Variants in PTPRM observed in about 807,000 individuals in gnomAD.
PTPRM encodes protein tyrosine phosphatase receptor type M.
A neutral mutation model predicts 186.7 loss-of-function variants in PTPRM; 47 were observed. That is an observed-to-expected ratio of 0.25 (90% confidence interval 0.20 to 0.32). The LOEUF (loss-of-function observed/expected upper bound fraction) is 0.32, where lower values mean the gene tolerates loss of function less well. Ranked by LOEUF, PTPRM falls within the 10% of genes least tolerant of loss-of-function variation. PTPRM has a pLI of 1.00. For synonymous variants in PTPRM, 668 were observed against 674.9 expected (o/e 0.99, Z 0.16); for missense variants, 1,494 against 1,865.0 (o/e 0.80, Z 3.66).
At chr18:8,078,412 T>C (rs1244908180) in intron 9 of PTPRM, among the ~76,000 whole-genome samples, 1 of 152,170 alleles carries the variant, frequency 6.6e-6, no homozygotes, top group Non-Finnish European at 1.5e-5. Context: ...ATCAAACACT[T>C]GCCCCAAAAG....
At chr18:8,098,442 A>T (rs1379396256) in intron 11 of PTPRM, among the ~76,000 whole-genome samples, 1 of 152,192 alleles carries the variant, frequency 6.6e-6, no homozygotes, top group Non-Finnish European at 1.5e-5. Context: ...TGAAACATTT[A>T]TTACAGATAA....
At chr18:8,394,747 T>C in intron 32 of PTPRM, 136 bp downstream of exon 32, 2 of 961,256 alleles carry the variant, frequency 2.1e-6, no homozygotes, top group Non-Finnish European at 2.9e-6. Flanking sequence ...TCACTTTGCT[T>C]GTAGGGCTTT....
chr18:8,383,733 A>T (rs1183390872), intron 29 of PTPRM, among the ~76,000 whole-genome samples: 4 of 152,258 alleles, frequency 2.6e-5, no homozygotes, highest in African/African-American at 9.6e-5. Context: ...TTGGACTGGA[A>T]CATAAAAATG....
chr18:8,122,732 G>T (rs983027812), intron 13 of PTPRM, among the ~76,000 whole-genome samples: 2 of 152,156 alleles, frequency 1.3e-5, no homozygotes, highest in Non-Finnish European at 2.9e-5. Context: ...TACCTTGCCT[G>T]GTCTAGTTTG....
chr18:7,935,057 T>C (rs938398141), intron 5 of PTPRM, among the ~76,000 whole-genome samples: 1 of 152,220 alleles, frequency 6.6e-6, no homozygotes, highest in African/African-American at 2.4e-5. Context: ...ATCACAACTG[T>C]ATTTCAGAAC....
At chr18:8,155,807 TGTAA>T (rs1450152850) in intron 14 of PTPRM, among the ~76,000 whole-genome samples, 2 of 152,228 alleles carry the variant, frequency 1.3e-5, no homozygotes, top group African/African-American at 4.8e-5. Flanking sequence ...TTCTTTCCAC[TGTAA>T]GTAAGTGTGA....
chr18:7,569,473 A>G (rs1349321562), intron 1 of PTPRM, among the ~76,000 whole-genome samples: 1 of 152,228 alleles, frequency 6.6e-6, no homozygotes, highest in Non-Finnish European at 1.5e-5. Context: ...CTGTGTTCTT[A>G]TTAGTGAATA....
intron 22 of PTPRM, among the ~76,000 whole-genome samples, chr18:8,341,248 G>A (rs1256217507): frequency 6.6e-6 from 1 of 152,190 alleles, no homozygotes; most frequent in African/African-American, 2.4e-5. Context: ...ATTTGACTTA[G>A]TACCTAGTAT....
intron 19 of PTPRM, among the ~76,000 whole-genome samples, chr18:8,267,117 T>C (rs1009744249): frequency 6.6e-6 from 1 of 152,166 alleles, no homozygotes; most frequent in Non-Finnish European, 1.5e-5. Flanking sequence ...TTATATGTAT[T>C]GTATTTATGT....
In PTPRM at chr18:8,263,696, G is replaced by GT. The variant is rs151112900; in HGVS notation, c.2754+10283dup. On this transcript the variant is annotated intron_variant, in intron 19 of 32. Transcript: ENST00000580170. ...ACACACCAACCTCCAGCGAAGAGGG[G>GT]TAGAGGCAGCTAGAGATCACACTCT... Among the ~76,000 whole-genome samples the GT allele has an allele frequency of 5.2e-3, 793 of 152,242 alleles. 6 individuals are homozygous for GT. Among genetic ancestry groups the GT allele is most frequent in the African/African-American group, 0.018 (758 of 41,544 alleles).
intron 23 of PTPRM, among the ~76,000 whole-genome samples, chr18:8,364,521 A>G (rs115361487): frequency 2.2e-3 from 342 of 152,344 alleles, no homozygotes; most frequent in African/African-American, 7.4e-3. Context: ...TGGGGATACA[A>G]TAAATCTGTT....
intron 1 of PTPRM, among the ~76,000 whole-genome samples, chr18:7,677,140 A>ATGCAAC (rs1386057435): frequency 1.3e-5 from 2 of 152,162 alleles, no homozygotes; most frequent in African/African-American, 4.8e-5. Flanking sequence ...TTCAAAGCTG[A>ATGCAAC]TGCAACAGTG....
At position 8,103,122 on chromosome 18, in the gene PTPRM, T is replaced by G. The variant is rs191813085; in HGVS notation, c.1857-10364T>G. ...TGTGGTATCATCCAGGCTTTGTTGT[T>G]CCATTTGTAGAGCACAGGCAGAGTA... On this transcript the variant is annotated intron_variant, in intron 11 of 32. Transcript: ENST00000580170. 2.5e-3 allele frequency among the ~76,000 whole-genome samples: 387 copies of G among 152,302 alleles called. 1 individual carries two copies. Among genetic ancestry groups the G allele is most frequent in the African/African-American group, 8.9e-3 (370 of 41,574 alleles).
chr18:8,311,127 G>A (rs1335328310), intron 20 of PTPRM, among the ~76,000 whole-genome samples: 1 of 152,090 alleles, frequency 6.6e-6, no homozygotes, highest in Non-Finnish European at 1.5e-5. Flanking sequence ...TGGTCAACAT[G>A]GTGAAATCCC....
At chr18:7,939,851 C>A (rs1468112927) in intron 5 of PTPRM, among the ~76,000 whole-genome samples, 1 of 152,152 alleles carries the variant, frequency 6.6e-6, no homozygotes, top group Non-Finnish European at 1.5e-5. Flanking sequence ...ATGTAGAGTG[C>A]CAGTGCTTGA....
At chr18:8,345,698 A>C (rs1329871173) in intron 23 of PTPRM, among the ~76,000 whole-genome samples, 1 of 151,402 alleles carries the variant, frequency 6.6e-6, no homozygotes, top group Non-Finnish European at 1.5e-5. Flanking sequence ...ACATTTTATA[A>C]AAATTATTCT....
In PTPRM at chr18:7,967,217, G is replaced by T. The variant is rs539676810; in HGVS notation, c.1132+11803G>T. On this transcript the variant is annotated intron_variant, in intron 7 of 32. Coordinates refer to ENST00000580170, the MANE Select transcript of PTPRM (RefSeq NM_001105244.2). ...GCACACTGACACCTCACACGGCAGG[G>T]TATTCCAACAGACCTGCAGCTGAGG... Among the ~76,000 whole-genome samples, 9 of 28,414 alleles carry T rather than the reference G, an allele frequency of 3.2e-4. No individual in the cohort carries two copies. In the East Asian group the frequency reaches 4.8e-3, roughly 15 times the overall value. 18.6% of individuals were successfully genotyped at this position (28,414 alleles called of 152,430 possible). A position where few individuals can be genotyped will look rare whatever the true frequency, so the allele number is the denominator to read the frequency against.
At chr18:7,972,493 AAG>A (rs2054613403) in intron 7 of PTPRM, among the ~76,000 whole-genome samples, 1 of 141,022 alleles carries the variant, frequency 7.1e-6, no homozygotes, top group Admixed American at 7.0e-5. Context: ...AAAAAAAAAA[AAG>A]GAGAGAAACA....
chr18:7,674,732 G>A (rs561724144), intron 1 of PTPRM, among the ~76,000 whole-genome samples: 3 of 152,136 alleles, frequency 2.0e-5, no homozygotes, highest in Non-Finnish European at 4.4e-5. Flanking sequence ...TTCTTATTTT[G>A]CCCATAACAT....
Sources: allele counts gnomAD v4.1 joint callset (sites outside exome capture counted in the v4.1 genomes callset), GRCh38; gene constraint gnomAD v4.1.1; transcripts MANE v1.5; gene names NCBI Gene and HGNC (gene_info 2026-07-23, HGNC 2026-07-21).